The following RAPGEF2 variants were observed in gnomAD, a reference collection of about 807,000 sequenced individuals.
The protein encoded by RAPGEF2 is Rap guanine nucleotide exchange factor 2, also known as PDZ domain containing guanine nucleotide exchange factor (GEF) 1.
RAPGEF2 carries 54 observed loss-of-function variants against 186.7 expected under a neutral mutation model. The ratio of observed to expected loss-of-function variants is 0.29; its 90% CI spans 0.23 to 0.36. The LOEUF is 0.36. Ranked by LOEUF, RAPGEF2 falls within the 10% of genes least tolerant of loss-of-function variation. The probability of loss-of-function intolerance (pLI) is 1.00; values close to 1 mark genes in which losing one functional copy is unlikely to be tolerated. For synonymous variants in RAPGEF2, 712 were observed against 705.9 expected, an observed-to-expected ratio of 1.01 and a Z score of -0.14; for missense variants, 1,532 against 2,045.0, an observed-to-expected ratio of 0.75 and a Z score of 4.84.
rs567711396 is a variant in RAPGEF2 at position 159,279,014 on chromosome 4, C to T, written c.544-25328C>T. Reference sequence around the variant, plus strand: ...CTGTCCTTAAGTTGGTTTGCCTTTTCCATCCCCTACGGTTCCATACTCAGC... The same window carrying T: ...CTGTCCTTAAGTTGGTTTGCCTTTTTCATCCCCTACGGTTCCATACTCAGC... On this transcript the variant is annotated intron_variant, in intron 7 of 29. Coordinates refer to ENST00000691494, the MANE Select transcript of RAPGEF2 (RefSeq NM_001394067.2). 2.0e-5 allele frequency among the ~76,000 whole-genome samples: 3 copies of T among 152,284 alleles called. No individual in the cohort carries two copies. The East Asian group carries it at 5.8e-4, about 29-fold the overall frequency.
At chr4:159,169,759 T>C (rs1745707473) in intron 1 of RAPGEF2, among the ~76,000 whole-genome samples, 1 of 150,956 alleles carries the variant, frequency 6.6e-6, no homozygotes, top group Admixed American at 6.6e-5. Context: ...TAGGATTTCA[T>C]TTTTTTTAAG....
intron 7 of RAPGEF2, among the ~76,000 whole-genome samples, chr4:159,266,225 TGTG>T (rs544038951): frequency 1.5e-4 from 22 of 151,722 alleles, no homozygotes; most frequent in Non-Finnish European, 2.6e-4. Context: ...AAAAGAGTGA[TGTG>T]GTGGGAATGG....
rs1236840614 is a variant in RAPGEF2 at position 159,273,646 on chromosome 4, CTT to C, written c.543+29857_543+29858del. On this transcript the variant is annotated intron_variant, in intron 7 of 29. Coordinates refer to ENST00000691494, the MANE Select transcript of RAPGEF2 (RefSeq NM_001394067.2). ...AATCAGTTTCTTTCTTTCTTTCTTT[CTT>C]TCTTTCTTTCTTTCTTTCTTTCTTT... Among the ~76,000 whole-genome samples the C allele has an allele frequency of 1.9e-3, 248 of 132,962 alleles. 2 individuals carry two copies. Among genetic ancestry groups the C allele is most frequent in the African/African-American group, 6.6e-3 (228 of 34,480 alleles). The allele number at this position is 132,962 out of a possible 152,430, so 87.2% of individuals were successfully genotyped here. A position where few individuals can be genotyped will look rare whatever the true frequency, so the allele number is the denominator to read the frequency against.
At chr4:159,230,339 A>G (rs1041713317) in intron 4 of RAPGEF2, among the ~76,000 whole-genome samples, 2 of 152,206 alleles carry the variant, frequency 1.3e-5, no homozygotes, top group South Asian at 4.1e-4. Flanking sequence ...ACAGCTATTC[A>G]TATGTGTGTG....
intron 7 of RAPGEF2, among the ~76,000 whole-genome samples, chr4:159,295,720 A>T (rs866345406): frequency 7.4e-5 from 10 of 134,718 alleles, no homozygotes; most frequent in South Asian, 5.0e-4. Flanking sequence ...AGAGTGTGTG[A>T]GTGTGTGTGT....
At chr4:159,243,586 A>G (rs1754266802) in intron 6 of RAPGEF2, among the ~76,000 whole-genome samples, 188 bp from the exon 7 acceptor site, 1 of 152,078 alleles carries the variant, frequency 6.6e-6, no homozygotes. Context: ...ATTTAAAGTC[A>G]TTGCAAGAGC....
chr4:159,198,142 C>T (rs1443471532), intron 3 of RAPGEF2, among the ~76,000 whole-genome samples: 5 of 152,088 alleles, frequency 3.3e-5, no homozygotes, highest in Non-Finnish European at 7.4e-5. Flanking sequence ...AAAATTATTA[C>T]AAAAGCACTA....
chr4:159,357,998 A>T (rs1722499980), intron 29 of RAPGEF2, 116 bp from the exon 30 acceptor site: 4 of 1,045,412 alleles, frequency 3.8e-6, no homozygotes, highest in Admixed American at 2.9e-5. Flanking sequence ...AGTGAGCTAT[A>T]CTAAAAAGAA....
intron 1 of RAPGEF2, among the ~76,000 whole-genome samples, chr4:159,182,386 C>CTTTTTTTTTTTTTTTTTTTT (rs575743979): frequency 3.5e-5 from 3 of 85,690 alleles, no homozygotes; most frequent in Non-Finnish European, 6.6e-5. Context: ...TTCTTTTCTT[C>CTTTTTTTTTTTTTTTTTTTT]TTTTTTTTTT....
intron 7 of RAPGEF2, among the ~76,000 whole-genome samples, chr4:159,271,315 T>A (rs1461876023): frequency 3.3e-5 from 5 of 152,192 alleles, no homozygotes; most frequent in African/African-American, 9.7e-5. Context: ...TTTTACATTT[T>A]TGTAGAAATT....
intron 16 of RAPGEF2, among the ~76,000 whole-genome samples, 175 bp downstream of exon 16, chr4:159,332,209 G>A (rs959953274): frequency 1.3e-5 from 2 of 151,852 alleles, no homozygotes; most frequent in Non-Finnish European, 2.9e-5. Flanking sequence ...ATCTTTTATT[G>A]ATAAATACTA....
chr4:159,147,020 G>C (rs1026835341), intron 1 of RAPGEF2, among the ~76,000 whole-genome samples: 2 of 152,152 alleles, frequency 1.3e-5, no homozygotes, highest in South Asian at 4.1e-4. Context: ...CTGGTTTTGA[G>C]CTCCTGGCAT....
chr4:159,355,878 G>GCCGGCC lies in RAPGEF2; in HGVS notation c.4679_4680insGGCCCC (p.Pro1560_Pro1561insAlaPro). On this transcript the variant is annotated inframe_insertion, in exon 29 of 30. Coordinates refer to ENST00000691494, the MANE Select transcript of RAPGEF2 (RefSeq NM_001394067.2). The stretch of plus-strand genomic sequence containing the variant: ...CACGAAAGGAGGGCAGGTATCGAGA[G>GCCGGCC]CCCCCGCCCACCCCTCCCGGCTACA... The GCCGGCC allele has an allele frequency of 6.1e-5, 92 of 1,515,568 alleles. No homozygotes were observed. The highest frequency in any genetic ancestry group is 6.9e-5 in the African/African-American group (5 of 72,198). 93.9% of individuals were successfully genotyped at this position (1,515,568 alleles called of 1,614,324 possible). A position where few individuals can be genotyped will look rare whatever the true frequency, so the allele number is the denominator to read the frequency against.
chr4:159,106,017 C>A lies in RAPGEF2; in HGVS notation c.69+1786C>A, dbSNP rs572153796. On this transcript the variant is annotated intron_variant, in intron 1 of 29. Coordinates refer to ENST00000691494, the MANE Select transcript of RAPGEF2 (RefSeq NM_001394067.2). ...AAGACTAGAAGAGACAAAACCTCCA[C>A]TGTGACTGTGGGCCCACTGTGCCAA... Among the ~76,000 whole-genome samples, 5 of 152,344 alleles carry A rather than the reference C, an allele frequency of 3.3e-5. No individual in the cohort carries two copies. In the South Asian group the frequency reaches 1.0e-3, roughly 32 times the overall value.
chr4:159,113,005 C>A (rs1461680550), intron 1 of RAPGEF2, among the ~76,000 whole-genome samples: 1 of 152,112 alleles, frequency 6.6e-6, no homozygotes, highest in Non-Finnish European at 1.5e-5. Context: ...GTATTCTTAA[C>A]TAAAAATCAA....
chr4:159,185,280 A>G (rs1175903656), intron 1 of RAPGEF2, among the ~76,000 whole-genome samples: 4 of 152,196 alleles, frequency 2.6e-5, no homozygotes, highest in Non-Finnish European at 4.4e-5. Flanking sequence ...AGAGTCAAAC[A>G]TAGAGTTACC....
intron 1 of RAPGEF2, among the ~76,000 whole-genome samples, chr4:159,160,486 A>G (rs1744594484): frequency 6.6e-6 from 1 of 152,220 alleles, no homozygotes; most frequent in Non-Finnish European, 1.5e-5. Context: ...TAACATGGAT[A>G]TTGTTGGCAG....
chr4:159,324,502 A>G (rs1765672080), intron 11 of RAPGEF2, among the ~76,000 whole-genome samples: 2 of 152,228 alleles, frequency 1.3e-5, no homozygotes, highest in Admixed American at 1.3e-4. Flanking sequence ...TCATCAAAAT[A>G]TGGAAGTAAA....
chr4:159,325,166 C>T (rs1414951526), intron 11 of RAPGEF2, among the ~76,000 whole-genome samples: 1 of 151,666 alleles, frequency 6.6e-6, no homozygotes, highest in African/African-American at 2.4e-5. Flanking sequence ...TAATTCCGTC[C>T]ATGAGCACCA....
Sources: allele counts gnomAD v4.1 joint callset (sites outside exome capture counted in the v4.1 genomes callset), GRCh38; gene constraint gnomAD v4.1.1; transcripts MANE v1.5; gene names NCBI Gene and HGNC (gene_info 2026-07-23, HGNC 2026-07-21).